The following SLC3A1 variants were observed in gnomAD, a reference collection of about 807,000 sequenced individuals.
SLC3A1 encodes amino acid transporter heavy chain SLC3A1.
In SLC3A1, 78 loss-of-function variants were observed where a neutral mutation model predicts 60.3. The ratio of observed to expected loss-of-function variants is 1.29; its 90% confidence interval spans 1.08 to 1.56. The LOEUF (loss-of-function observed/expected upper bound fraction) is 1.56. SLC3A1 is among the 40% of genes most tolerant of loss of function. SLC3A1 has a pLI of 0.00. For synonymous variants in SLC3A1, 392 were observed against 307.9 expected (o/e 1.27, Z -2.86); for missense variants, 1,172 against 858.9 (o/e 1.36, Z -4.56).
At position 44,304,259 on chromosome 2, in the gene SLC3A1, CTG is replaced by C. The variant is rs753160848; in HGVS notation, c.1255_1256del (p.Val419PhefsTer7). ...AACAATTACCTCAGCATGCTAGACA[CTG>C]TTTCTGGGAACAGCGTGTATGAGGT... On this transcript the variant is annotated frameshift_variant, in exon 7 of 10. Transcript: ENST00000260649. LOFTEE classifies it high-confidence loss of function. 1.2e-6 allele frequency: 2 copies of C among 1,614,148 alleles called. No homozygotes were observed. The highest frequency in any genetic ancestry group is 1.7e-5 in the Admixed American group (1 of 60,018).
In SLC3A1 at chr2:44,275,709, C is replaced by G. The variant is rs757798474; in HGVS notation, c.174C>G (p.Asp58Glu). The G allele has an allele frequency of 3.8e-5, 61 of 1,614,070 alleles. No individual in the cohort carries two copies. Among genetic ancestry groups the G allele is most frequent in the Non-Finnish European group, 5.2e-5 (61 of 1,180,018 alleles). The change falls in exon 1 of 10, where the codon GAC (aspartate) becomes GAG (glutamate). Residue 58 changes from aspartate (D) to glutamate (E), a missense_variant. Transcript: ENST00000260649. ...GCATCCTTGGCTCCCAGGAGCCCGA[C>G]TTCAAGGGCGTCCAGCCCTATGCGG... ...TRGILGSQEP[D>E]FKGVQPYAGM...
intron 4 of SLC3A1, among the ~76,000 whole-genome samples, chr2:44,299,198 C>T (rs1308172667): frequency 6.6e-6 from 1 of 152,098 alleles, no homozygotes; most frequent in Non-Finnish European, 1.5e-5. Flanking sequence ...GCCACCATGC[C>T]TGGCTACTTT....
intron 9 of SLC3A1, chr2:44,319,371 T>G (rs539382533): frequency 6.6e-6 from 1 of 152,554 alleles, no homozygotes; most frequent in African/African-American, 2.4e-5. Flanking sequence ...ATAATCTATC[T>G]TAAGTAATAC....
Position 44,286,029 on chromosome 2 carries a change from C to T in SLC3A1, c.766-3C>T, listed in dbSNP as rs532794879. On this transcript the variant is annotated splice_polypyrimidine_tract_variant and splice_region_variant and intron_variant, in intron 3 of 9. Transcript: ENST00000260649. ...CTGATGTGCTGTTTTCTTTGTTTGC[C>T]AGTTAAGTGTGTATGGAAACTCCAG... 30 of 1,614,020 alleles carry T rather than the reference C, an allele frequency of 1.9e-5. 1 individual carries two copies. The South Asian group carries it at 3.0e-4, about 16-fold the overall frequency.
rs774982576 is a variant in SLC3A1, at chr2:44,275,640, G to A, written c.105G>A (p.Pro35=). The A allele has an allele frequency of 6.2e-6, 10 of 1,614,082 alleles. No homozygotes were observed. Among genetic ancestry groups the A allele is most frequent in the South Asian group, 1.1e-5 (1 of 91,060 alleles). Residue 35 remains proline, a synonymous_variant, in exon 1 of 10, where the codon CCG becomes CCA. Coordinates refer to ENST00000260649, the MANE Select transcript of SLC3A1 (RefSeq NM_000341.4). ...VHNEDILEQT[P]DPGSSTDNLK... is the part of the protein sequence containing the mutation. ...ATGAAGACATTCTGGAGCAGACCCC[G>A]GATCCAGGAAGCTCAACAGACAACC...
rs192999947 is a variant in SLC3A1, at chr2:44,283,131, C to T, written c.765+1590C>T. ...GGATCATCCCTCCCTCCTCCAGTCCCTCCTTCTCTCTTCTGGACCTTCTCC... is the reference window on the plus strand; with the variant it reads ...GGATCATCCCTCCCTCCTCCAGTCCTTCCTTCTCTCTTCTGGACCTTCTCC... On this transcript the variant is annotated intron_variant, in intron 3 of 9. Transcript: ENST00000260649. Among the ~76,000 whole-genome samples the T allele has an allele frequency of 1.5e-3, 234 of 152,270 alleles. 1 individual carries two copies. Among genetic ancestry groups the T allele is most frequent in the Non-Finnish European group, 2.6e-3 (178 of 68,022 alleles).
chr2:44,313,976 T>C (rs1459745305), intron 9 of SLC3A1, 25 bp downstream of exon 9: 2 of 1,613,778 alleles, frequency 1.2e-6, no homozygotes, highest in Admixed American at 3.3e-5. Context: ...AAATTTTATG[T>C]TGATTCTAGA....
intron 6 of SLC3A1, chr2:44,301,328 T>G (rs1672001260): frequency 1.4e-6 from 1 of 690,040 alleles, no homozygotes; most frequent in African/African-American, 1.8e-5. Flanking sequence ...GTTTCCTCTT[T>G]TGTAAAATGA....
chr2:44,311,686 G>GT (rs1484312405), intron 7 of SLC3A1, among the ~76,000 whole-genome samples: 8 of 149,904 alleles, frequency 5.3e-5, no homozygotes, highest in Non-Finnish European at 1.0e-4. Context: ...CTATAAAAAC[G>GT]TAATTATAAA....
intron 4 of SLC3A1, among the ~76,000 whole-genome samples, chr2:44,297,362 T>C (rs1313956792): frequency 6.6e-6 from 1 of 152,094 alleles, no homozygotes; most frequent in Non-Finnish European, 1.5e-5. Context: ...GGTCACCTGG[T>C]CCTCCCACCT....
chr2:44,301,528 C>A, intron 6 of SLC3A1: 2 of 341,262 alleles, frequency 5.9e-6, no homozygotes, highest in South Asian at 5.3e-5. Flanking sequence ...ATCACGAGGT[C>A]AGGAGTTTGA....
In SLC3A1 at chr2:44,312,652, AT is replaced by A. The variant is rs746760511; in HGVS notation, c.1400del (p.Met467SerfsTer11). The A allele has an allele frequency of 1.2e-6, 2 of 1,613,960 alleles. No individual in the cohort carries two copies. Among genetic ancestry groups the A allele is most frequent in the Non-Finnish European group, 1.7e-6 (2 of 1,179,852 alleles). On this transcript the variant is annotated frameshift_variant, in exon 8 of 10. Coordinates refer to ENST00000260649, the MANE Select transcript of SLC3A1 (RefSeq NM_000341.4). LOFTEE classifies it high-confidence loss of function. ...GAATCAGTATGTCAACGTGATGAAC[AT>A]GCTTCTTTTCACACTCCCTGGAACT... is the stretch of plus-strand genomic sequence containing the variant. ...LGNQYVNVMN[M>X]LLFTLPGTPI...
At chr2:44,279,469 C>A (rs1183045604) in intron 1 of SLC3A1, among the ~76,000 whole-genome samples, 2 of 152,166 alleles carry the variant, frequency 1.3e-5, no homozygotes, top group African/African-American at 4.8e-5. Context: ...AGGGCCAATG[C>A]CCTGATGCCC....
intron 8 of SLC3A1, among the ~76,000 whole-genome samples, chr2:44,313,175 T>C (rs1051024449): frequency 9.9e-5 from 15 of 152,218 alleles, no homozygotes; most frequent in African/African-American, 3.4e-4. Flanking sequence ...TGTTTGGTCT[T>C]GGGTGACCAC....
At chr2:44,315,378 A>C (rs1040258194) in intron 9 of SLC3A1, 1 of 151,940 alleles carries the variant, frequency 6.6e-6, no homozygotes, top group Non-Finnish European at 1.5e-5. Flanking sequence ...GCTGGGCACC[A>C]TGGCTCACAG....
intron 4 of SLC3A1, among the ~76,000 whole-genome samples, chr2:44,299,491 C>T (rs571193597): frequency 6.6e-6 from 1 of 152,278 alleles, no homozygotes; most frequent in African/African-American, 2.4e-5. Context: ...AGCAGGAGAT[C>T]CTTTAATATC....
intron 7 of SLC3A1, among the ~76,000 whole-genome samples, chr2:44,305,910 A>G (rs1001855199): frequency 2.0e-5 from 3 of 152,084 alleles, no homozygotes; most frequent in African/African-American, 7.2e-5. Flanking sequence ...AGGTCTACCT[A>G]TTGTATACTA....
intron 9 of SLC3A1, among the ~76,000 whole-genome samples, chr2:44,317,130 G>A (rs368948483): frequency 2.3e-4 from 35 of 152,224 alleles, no homozygotes; most frequent in African/African-American, 8.2e-4. Context: ...CTGTTCAGTA[G>A]CCATTAACCA....
intron 7 of SLC3A1, among the ~76,000 whole-genome samples, chr2:44,309,163 G>C (rs1039421868): frequency 4.6e-5 from 7 of 152,078 alleles, no homozygotes; most frequent in African/African-American, 1.7e-4. Context: ...TCAGTTTCTA[G>C]AACTTTTATC....
Sources: allele counts gnomAD v4.1 joint callset (sites outside exome capture counted in the v4.1 genomes callset), GRCh38; gene constraint gnomAD v4.1.1; transcripts MANE v1.5; gene names NCBI Gene and HGNC (gene_info 2026-07-23, HGNC 2026-07-21).